The following SAXO1 variants were observed in gnomAD, a reference collection of about 807,000 sequenced individuals.
The protein encoded by SAXO1 is stabilizer of axonemal microtubules 1.
Under a neutral mutation model 17.5 loss-of-function variants are expected in SAXO1, and 21 were observed. That is an observed-to-expected ratio of 1.20 (90% confidence interval 0.85 to 1.72). The LOEUF is 1.72. SAXO1 is among the 40% of genes most tolerant of loss of function. SAXO1 has a pLI of 0.00. For missense variants in SAXO1, 843 were observed against 596.0 expected, an observed-to-expected ratio of 1.41 and a Z score of -4.32; for synonymous variants, 274 against 216.5, an observed-to-expected ratio of 1.27 and a Z score of -2.33.
chr9:19,049,306 T>A lies in SAXO1; in HGVS notation c.-255A>T, dbSNP rs1412561436. ...CTCACGCCGCCCCGGTTAGGTTTCA[T>A]TAGAGCAGCGGCTTTTCAAGGCTCG... On this transcript the variant is annotated 5_prime_UTR_variant, in exon 1 of 4. Coordinates refer to the SAXO1 transcript ENST00000542071. The surrounding 1 kb of genome is among the most constrained non-coding windows in gnomAD (Gnocchi z 5.4). 1 of 218,150 alleles carries A rather than the reference T, an allele frequency of 4.6e-6. No homozygotes were observed. The highest frequency in any genetic ancestry group is 5.8e-5 in the Admixed American group (1 of 17,180). 13.5% of individuals were successfully genotyped at this position (218,150 alleles called of 1,614,324 possible).
At chr9:19,003,950 G>C (rs532988575) in intron 1 of SAXO1, among the ~76,000 whole-genome samples, 51 of 151,904 alleles carry the variant, frequency 3.4e-4, no homozygotes, top group African/African-American at 1.1e-3. Context: ...CATCACAGTT[G>C]GCAACCCACA....
Position 19,011,848 on chromosome 9 carries a change from G to GTTTTTTTTTTTT in SAXO1, c.38+21022_38+21023insAAAAAAAAAAAA, listed in dbSNP as rs10646825. Among the ~76,000 whole-genome samples the GTTTTTTTTTTTT allele has an allele frequency of 2.1e-5, 3 of 143,522 alleles. 1 individual carries two copies. The highest frequency in any genetic ancestry group is 1.5e-5 in the Non-Finnish European group (1 of 66,496). 94.2% of individuals were successfully genotyped at this position (143,522 alleles called of 152,430 possible). A position where few individuals can be genotyped will look rare whatever the true frequency, so the allele number is the denominator to read the frequency against. ...TTCAATTTTACCATTATTAAGCATA[G>GTTTTTTTTTTTT]ATTTTTTTTTTTTTTTGAGATGGAG... On this transcript the variant is annotated intron_variant, in intron 1 of 3. Transcript: ENST00000380534.
At chr9:19,045,135 C>T (rs892138232) in intron 1 of SAXO1, among the ~76,000 whole-genome samples, 1 of 149,906 alleles carries the variant, frequency 6.7e-6, no homozygotes, top group Non-Finnish European at 1.5e-5. Context: ...AAGGTGAAAC[C>T]CCGTCTCTAC....
At chr9:19,001,986 G>A (rs912221020) in intron 1 of SAXO1, among the ~76,000 whole-genome samples, 4 of 152,150 alleles carry the variant, frequency 2.6e-5, no homozygotes, top group Admixed American at 1.3e-4. Context: ...CAACAAAACA[G>A]ATAGCCCACT....
intron 1 of SAXO1, among the ~76,000 whole-genome samples, chr9:18,997,802 C>A (rs771381335): frequency 6.6e-6 from 1 of 152,190 alleles, no homozygotes; most frequent in Non-Finnish European, 1.5e-5. Flanking sequence ...TGTTCTGAAG[C>A]CTCTGCTGGT....
chr9:19,035,027 G>C (rs1021666675), upstream of SAXO1, among the ~76,000 whole-genome samples: 2 of 152,152 alleles, frequency 1.3e-5, no homozygotes, highest in African/African-American at 4.8e-5. Context: ...AGATGGTGTG[G>C]ACAAAATAGC....
chr9:19,012,116 T>G (rs901242147), intron 1 of SAXO1, among the ~76,000 whole-genome samples: 8 of 151,990 alleles, frequency 5.3e-5, no homozygotes, highest in African/African-American at 1.5e-4. Flanking sequence ...AGTGCTGGAA[T>G]TACAGGCGTG....
intron 1 of SAXO1, among the ~76,000 whole-genome samples, chr9:18,998,149 G>T (rs193261574): frequency 6.6e-6 from 1 of 152,176 alleles, no homozygotes; most frequent in East Asian, 1.9e-4. Context: ...CAGAAGGTTG[G>T]TAATAACAAA....
At chr9:18,983,525 C>CTGG in intron 1 of SAXO1, among the ~76,000 whole-genome samples, 1 of 152,206 alleles carries the variant, frequency 6.6e-6, no homozygotes, top group South Asian at 2.1e-4. Context: ...ACAATGTTCA[C>CTGG]TGCATTTTCA....
At position 19,029,874 on chromosome 9, in the gene SAXO1, A is replaced by G. The variant is rs368899403; in HGVS notation, c.38+2997T>C. Among the ~76,000 whole-genome samples the G allele has an allele frequency of 2.9e-3, 448 of 152,322 alleles. 7 individuals carry two copies. The South Asian group carries it at 0.039, about 13-fold the overall frequency. ...CATTCCTAACCCAGTCCAGCATGTT[A>G]TGACCTTGACAAACAAAAAACGCCA... On this transcript the variant is annotated intron_variant, in intron 1 of 3. Transcript: ENST00000380534.
chr9:18,987,685 G>C (rs948800693), intron 1 of SAXO1, among the ~76,000 whole-genome samples: 2 of 152,080 alleles, frequency 1.3e-5, no homozygotes, highest in East Asian at 3.9e-4. Flanking sequence ...GATTGCTTAA[G>C]CTCAGGAGCT....
At chr9:18,960,036 C>A (rs555952922) in intron 1 of SAXO1, among the ~76,000 whole-genome samples, 2 of 152,270 alleles carry the variant, frequency 1.3e-5, no homozygotes, top group African/African-American at 4.8e-5. Context: ...CCAGCAAGAG[C>A]CAGAGCTGAG....
chr9:19,004,937 A>T (rs993094873), intron 1 of SAXO1, among the ~76,000 whole-genome samples: 2 of 152,222 alleles, frequency 1.3e-5, no homozygotes, highest in Admixed American at 1.3e-4. Flanking sequence ...AAATGAACCC[A>T]GGAAAGAGGT....
chr9:18,943,649 G>A (rs368656946), intron 2 of SAXO1, among the ~76,000 whole-genome samples: 1 of 152,212 alleles, frequency 6.6e-6, no homozygotes, highest in Non-Finnish European at 1.5e-5. Context: ...GGATGGACAG[G>A]TTTCAAGGCA....
At chr9:18,944,427 C>T (rs756656517) in intron 2 of SAXO1, among the ~76,000 whole-genome samples, 11 of 152,302 alleles carry the variant, frequency 7.2e-5, no homozygotes, top group Non-Finnish European at 1.0e-4. Flanking sequence ...CCTTTAAATT[C>T]ACGTAAAAGA....
At chr9:18,981,713 T>G (rs1397544361) in intron 1 of SAXO1, among the ~76,000 whole-genome samples, 2 of 152,100 alleles carry the variant, frequency 1.3e-5, no homozygotes, top group African/African-American at 4.8e-5. Context: ...GCTCTCACTT[T>G]GCATCCTCAC....
intron 1 of SAXO1, among the ~76,000 whole-genome samples, chr9:18,954,987 G>A (rs757465753): frequency 6.6e-6 from 1 of 151,250 alleles, no homozygotes; most frequent in Non-Finnish European, 1.5e-5. Flanking sequence ...TAGAATGCAA[G>A]CCATGTCATA....
At chr9:18,966,071 C>T (rs552652150) in intron 1 of SAXO1, among the ~76,000 whole-genome samples, 10 of 152,300 alleles carry the variant, frequency 6.6e-5, no homozygotes, top group Admixed American at 2.6e-4. Flanking sequence ...AAATACTGGC[C>T]TCCACTCTCT....
chr9:18,973,650 T>C (rs1244381969), intron 1 of SAXO1, among the ~76,000 whole-genome samples: 1 of 152,224 alleles, frequency 6.6e-6, no homozygotes, highest in Non-Finnish European at 1.5e-5. Context: ...CCAGAGTTTC[T>C]TTTGGCTCAC....
Sources: allele counts gnomAD v4.1 joint callset (sites outside exome capture counted in the v4.1 genomes callset), GRCh38; gene constraint gnomAD v4.1.1; non-coding constraint Gnocchi (gnomAD v3.1); transcripts MANE v1.5; gene names NCBI Gene and HGNC (gene_info 2026-07-23, HGNC 2026-07-21).